Variants in PCNX2 observed in about 807,000 individuals in gnomAD.
PCNX2 encodes the protein pecanex-like protein 2.
PCNX2 carries 168 observed loss-of-function variants against 223.8 expected under a neutral mutation model. That is an observed-to-expected ratio of 0.75 (90% confidence interval 0.66 to 0.85). The LOEUF is 0.85. Among genes scored for constraint, PCNX2 ranks in the 40% least tolerant of loss-of-function variants. The pLI, the probability that PCNX2 is intolerant of heterozygous loss-of-function variation, is 0.00. For synonymous variants in PCNX2, 1,006 were observed against 1,052.6 expected, an observed-to-expected ratio of 0.96 and a Z score of 0.86; for missense variants, 2,507 against 2,675.5, an observed-to-expected ratio of 0.94 and a Z score of 1.39.
the PCNX2 span, among the ~76,000 whole-genome samples, chr1:233,316,557 T>G: frequency 6.6e-6 from 1 of 151,930 alleles, no homozygotes; most frequent in East Asian, 1.9e-4. Context: ...ATGCTATTTT[T>G]TACTAACACC....
At chr1:233,046,530 A>T (rs1438731570) in intron 25 of PCNX2, among the ~76,000 whole-genome samples, 7 of 152,178 alleles carry the variant, frequency 4.6e-5, no homozygotes, top group Non-Finnish European at 7.4e-5. Flanking sequence ...AACTGGGTTT[A>T]AAAAAAGGTA....
chr1:233,004,104 C>T (rs1033690758), intron 28 of PCNX2, among the ~76,000 whole-genome samples: 1 of 151,164 alleles, frequency 6.6e-6, no homozygotes, highest in Non-Finnish European at 1.5e-5. Context: ...TATACCTGCA[C>T]GTTCTGCACA....
intron 10 of PCNX2, among the ~76,000 whole-genome samples, chr1:233,222,985 AT>A (rs1425395756): frequency 6.6e-6 from 1 of 152,224 alleles, no homozygotes; most frequent in Non-Finnish European, 1.5e-5. Context: ...ATTAAAAGCC[AT>A]GAGACTGAAT....
At chr1:233,254,063 C>A (rs1659596420) in intron 5 of PCNX2, among the ~76,000 whole-genome samples, 1 of 152,192 alleles carries the variant, frequency 6.6e-6, no homozygotes, top group Non-Finnish European at 1.5e-5. Context: ...TCTGCCTAAG[C>A]CCTCAGAAAG....
chr1:233,063,119 C>A (rs893529820), intron 23 of PCNX2, among the ~76,000 whole-genome samples: 1 of 152,064 alleles, frequency 6.6e-6, no homozygotes, highest in South Asian at 2.1e-4. Context: ...CCCTTGTAAT[C>A]CCAGCTACTC....
chr1:233,252,727 A>T lies in PCNX2; in HGVS notation c.1896T>A (p.Ser632Arg). Residue 632 changes from serine (S) to arginine (R), a missense_variant, in exon 6 of 34, where the codon AGT becomes AGA. Physicochemically the swap from Ser to Arg is moderately radical, Grantham distance 110. This residue lies in a region of PCNX2 where 1,031 missense variants were observed against 1,021.7 expected (regional missense o/e 1.01). Coordinates refer to ENST00000258229, the MANE Select transcript of PCNX2 (RefSeq NM_014801.4). ...ILENEKPSGH[S>R]SKQGKPDLQS... Reference sequence around the variant, plus strand: ...GCAAATCTGGTTTTCCTTGCTTAGAACTGTGTCCACTGGGCTTTTCATTTT... The same window carrying T: ...GCAAATCTGGTTTTCCTTGCTTAGATCTGTGTCCACTGGGCTTTTCATTTT... 1 of 1,613,794 alleles carries T rather than the reference A, an allele frequency of 6.2e-7. No homozygotes were observed. The highest frequency in any genetic ancestry group is 8.5e-7 in the Non-Finnish European group (1 of 1,179,846).
intron 5 of PCNX2, among the ~76,000 whole-genome samples, chr1:233,254,702 CTTT>C (rs565430023): frequency 7.0e-6 from 1 of 141,942 alleles, no homozygotes. Flanking sequence ...GATATACGCA[CTTT>C]TTTTTTTTTT....
At chr1:233,315,060 G>A in the PCNX2 span, among the ~76,000 whole-genome samples, 9 of 152,288 alleles carry the variant, frequency 5.9e-5, no homozygotes, top group East Asian at 5.8e-4. Context: ...AGGGCACATC[G>A]TAATGCAGAT....
chr1:233,104,421 A>G (rs767028495), intron 21 of PCNX2, among the ~76,000 whole-genome samples: 3 of 152,150 alleles, frequency 2.0e-5, no homozygotes, highest in African/African-American at 2.4e-5. Flanking sequence ...TCAAAATAGA[A>G]TACATAGCAG....
intron 23 of PCNX2, among the ~76,000 whole-genome samples, chr1:233,073,973 C>T (rs1002004923): frequency 6.6e-6 from 1 of 152,102 alleles, no homozygotes; most frequent in Non-Finnish European, 1.5e-5. Flanking sequence ...CTGAGAACTG[C>T]TTTTCCTACC....
intron 8 of PCNX2, among the ~76,000 whole-genome samples, chr1:233,248,662 CT>C (rs1463206877): frequency 2.6e-5 from 4 of 152,148 alleles, no homozygotes; most frequent in Non-Finnish European, 5.9e-5. Flanking sequence ...AAAATCCCCA[CT>C]TTGCTTAAAC....
intron 33 of PCNX2, chr1:232,984,760 G>A (rs1057477200): frequency 1.2e-5 from 4 of 340,754 alleles, no homozygotes; most frequent in African/African-American, 4.3e-5. Flanking sequence ...GCATTTGTGC[G>A]CCTGGCTTTC....
At chr1:233,238,827 G>A (rs1658579884) in intron 8 of PCNX2, among the ~76,000 whole-genome samples, 1 of 152,178 alleles carries the variant, frequency 6.6e-6, no homozygotes, top group Admixed American at 6.5e-5. Flanking sequence ...ACGTGAACCA[G>A]GTAGAGTAAG....
At chr1:233,085,543 A>G (rs575518349) in intron 23 of PCNX2, among the ~76,000 whole-genome samples, 2 of 152,300 alleles carry the variant, frequency 1.3e-5, no homozygotes, top group South Asian at 4.1e-4. Flanking sequence ...GAATCTTACC[A>G]TATATCTACC....
intron 8 of PCNX2, among the ~76,000 whole-genome samples, chr1:233,242,078 G>A (rs1252736458): frequency 6.6e-6 from 1 of 152,146 alleles, no homozygotes; most frequent in East Asian, 1.9e-4. Context: ...GTCAACAAAA[G>A]AGTAAGAACT....
intron 17 of PCNX2, among the ~76,000 whole-genome samples, chr1:233,169,238 T>C (rs1678986168): frequency 2.6e-5 from 4 of 152,172 alleles, no homozygotes; most frequent in Admixed American, 2.6e-4. Context: ...GGGTATTGTG[T>C]GTGTGTTATT....
chr1:233,089,892 C>A lies in PCNX2; in HGVS notation c.4076+169G>T, dbSNP rs556847651. On this transcript the variant is annotated intron_variant, in intron 23 of 33. Transcript: ENST00000258229. Reference sequence around the variant, plus strand: ...CATGTTCTTTCCAGATCCCTGAGACCCAAGAGCTGAGTCAATGAACTGAGG... The same window carrying A: ...CATGTTCTTTCCAGATCCCTGAGACACAAGAGCTGAGTCAATGAACTGAGG... 20 of 1,403,384 alleles carry A rather than the reference C, an allele frequency of 1.4e-5. No individual in the cohort carries two copies. In the South Asian group the frequency reaches 3.0e-4, roughly 21 times the overall value. The allele number at this position is 1,403,384 out of a possible 1,614,324, so 86.9% of individuals were successfully genotyped here.
In PCNX2 at chr1:232,986,100, C is replaced by G; in HGVS notation, c.6232G>C (p.Ala2078Pro). ...MGPSARAASQ[A>P]TRHLSEPCEP... ...CCTGCCCAGCCCCTTACCCGAGTGGCCTGGCTGGCAGCCCTGGCTGAGGGG... is the reference window on the plus strand; with the variant it reads ...CCTGCCCAGCCCCTTACCCGAGTGGGCTGGCTGGCAGCCCTGGCTGAGGGG... The change falls in exon 33 of 34, where the codon GCC becomes CCC. Residue 2078 changes from alanine to proline, a missense_variant. Physicochemically the swap from Ala to Pro is conservative, Grantham distance 27 (BLOSUM62 -1). Transcript: ENST00000258229. 2.6e-6 allele frequency: 4 copies of G among 1,561,534 alleles called. No individual in the cohort carries two copies. The highest frequency in any genetic ancestry group is 3.5e-6 in the Non-Finnish European group (4 of 1,152,120).
intron 1 of PCNX2, among the ~76,000 whole-genome samples, chr1:233,284,736 G>A (rs1451995288): frequency 1.3e-5 from 2 of 152,146 alleles, no homozygotes; most frequent in African/African-American, 4.8e-5. Context: ...CTCAGGCACA[G>A]GGTAGAATTG....
Sources: allele counts gnomAD v4.1 joint callset (sites outside exome capture counted in the v4.1 genomes callset), GRCh38; gene constraint gnomAD v4.1.1; regional missense constraint gnomAD v4.1.1; transcripts MANE v1.5; gene names NCBI Gene and HGNC (gene_info 2026-07-23, HGNC 2026-07-21).